PDE11A: variants seen among roughly 807,000 people sequenced by gnomAD.
PDE11A encodes phosphodiesterase 11A.
A neutral mutation model predicts 100.5 loss-of-function variants in PDE11A; 100 were observed. The observed-to-expected ratio is 1.00, with a 90% CI of 0.85 to 1.18. PDE11A has a LOEUF of 1.18. PDE11A is among the 50% of genes most tolerant of loss of function. The probability of loss-of-function intolerance (pLI) is 0.00; values close to 1 mark genes in which losing one functional copy is unlikely to be tolerated. For synonymous variants in PDE11A, 381 were observed against 420.8 expected (o/e 0.91, Z 1.16); for missense variants, 1,141 against 1,152.6 (o/e 0.99, Z 0.15).
chr2:177,929,796 A>T (rs1251979399), intron 2 of PDE11A, among the ~76,000 whole-genome samples: 2 of 152,186 alleles, frequency 1.3e-5, no homozygotes, highest in African/African-American at 4.8e-5. Flanking sequence ...ATAGCCCACC[A>T]TGTTGCTTTT....
intron 15 of PDE11A, among the ~76,000 whole-genome samples, chr2:177,696,290 A>G (rs1460654189): frequency 6.6e-6 from 1 of 152,150 alleles, no homozygotes; most frequent in African/African-American, 2.4e-5. Context: ...GTAACATAGA[A>G]ATGAGGCCAG....
At chr2:177,736,132 GTCTA>G (rs1040318219) in intron 10 of PDE11A, among the ~76,000 whole-genome samples, 41 of 152,116 alleles carry the variant, frequency 2.7e-4, no homozygotes, top group African/African-American at 9.7e-4. Context: ...GGTCTAATGG[GTCTA>G]TCTATTTTGA....
chr2:178,073,113 A>T (rs1193750282), upstream of PDE11A: 1 of 975,140 alleles, frequency 1.0e-6, no homozygotes, highest in Non-Finnish European at 1.2e-6. Flanking sequence ...TGGGAGTCCG[A>T]GATACAAGTG....
At chr2:178,047,515 C>T (rs548352764) in intron 1 of PDE11A, among the ~76,000 whole-genome samples, 100 of 151,368 alleles carry the variant, frequency 6.6e-4, no homozygotes, top group Non-Finnish European at 1.2e-3. Context: ...GGCTTTTCCC[C>T]AGCTATCCTA....
chr2:177,882,607 G>A (rs1368633898), intron 4 of PDE11A, among the ~76,000 whole-genome samples: 1 of 152,134 alleles, frequency 6.6e-6, no homozygotes, highest in South Asian at 2.1e-4. Flanking sequence ...AATATCAGAA[G>A]TGGTTTCTAA....
intron 2 of PDE11A, among the ~76,000 whole-genome samples, chr2:177,962,888 C>T (rs945367505): frequency 2.0e-5 from 3 of 152,074 alleles, no homozygotes; most frequent in Admixed American, 6.5e-5. Flanking sequence ...CTGATTTGAA[C>T]TGGAGGTTTG....
chr2:177,689,530 A>C (rs1356021599), intron 15 of PDE11A, among the ~76,000 whole-genome samples: 1 of 152,180 alleles, frequency 6.6e-6, no homozygotes, highest in Non-Finnish European at 1.5e-5. Flanking sequence ...TTACATGCAG[A>C]TTCTAGAGAG....
At chr2:178,062,076 C>T (rs1254930554) in intron 1 of PDE11A, among the ~76,000 whole-genome samples, 1 of 152,170 alleles carries the variant, frequency 6.6e-6, no homozygotes, top group Non-Finnish European at 1.5e-5. Flanking sequence ...AGAGGCTGTT[C>T]CTCTTGTTCA....
chr2:177,998,146 C>T, intron 2 of PDE11A: 1 of 1,044,788 alleles, frequency 9.6e-7, no homozygotes, highest in South Asian at 1.3e-5. Context: ...TTGCTGTCTT[C>T]CACTTACTGT....
chr2:177,941,318 A>C (rs1017046009), intron 2 of PDE11A, among the ~76,000 whole-genome samples: 1 of 152,150 alleles, frequency 6.6e-6, no homozygotes, highest in African/African-American at 2.4e-5. Context: ...TCTAACTCGC[A>C]TGAGGACCCC....
chr2:177,945,717 G>T (rs375245598), intron 2 of PDE11A, among the ~76,000 whole-genome samples: 2 of 140,782 alleles, frequency 1.4e-5, no homozygotes, highest in African/African-American at 2.7e-5. Flanking sequence ...CACCCCGTCC[G>T]GGAGGGAGGT....
chr2:177,658,146 C>G, intron 19 of PDE11A, among the ~76,000 whole-genome samples: 1 of 152,178 alleles, frequency 6.6e-6, no homozygotes, highest in Admixed American at 6.5e-5. Flanking sequence ...CCCAGAAAGA[C>G]CCAACAGGCA....
chr2:177,903,550 A>G (rs1417010307), intron 3 of PDE11A, among the ~76,000 whole-genome samples: 2 of 152,242 alleles, frequency 1.3e-5, no homozygotes, highest in African/African-American at 4.8e-5. Context: ...GCCATACACA[A>G]GAATGCAAAG....
chr2:177,790,679 A>C (rs1216239252), intron 9 of PDE11A, among the ~76,000 whole-genome samples: 1 of 152,196 alleles, frequency 6.6e-6, no homozygotes, highest in Admixed American at 6.5e-5. Context: ...CAATAAACTC[A>C]AACAAATTTA....
At position 178,098,521 on chromosome 2, in the gene PDE11A, T is replaced by C. The variant is rs116308162; in HGVS notation, c.162+5781A>G. ...TTGTATAAATATTTTGGCTTTCTCATCCTTCATAGAGGAGGATAAGCAGAT... is the reference window on the plus strand; with the variant it reads ...TTGTATAAATATTTTGGCTTTCTCACCCTTCATAGAGGAGGATAAGCAGAT... On this transcript the variant is annotated intron_variant, in intron 2 of 20. Transcript: ENST00000358450. Among the ~76,000 whole-genome samples the C allele has an allele frequency of 4.5e-3, 692 of 152,314 alleles. 3 individuals are homozygous for C. Among genetic ancestry groups the C allele is most frequent in the African/African-American group, 0.016 (670 of 41,578 alleles).
intron 2 of PDE11A, among the ~76,000 whole-genome samples, chr2:178,083,135 T>C (rs887163145): frequency 1.5e-4 from 23 of 151,350 alleles, no homozygotes; most frequent in African/African-American, 5.6e-4. Context: ...AGTCTTGCTC[T>C]GTCACCTAGG....
chr2:177,722,036 G>A lies in PDE11A; in HGVS notation c.2043+5622C>T, dbSNP rs192544299. On this transcript the variant is annotated intron_variant, in intron 12 of 19. Transcript: ENST00000286063. ...TAAATGACCATGGCTCTGCTGCTGGGTCTCCCTGACCTGGAGGATTTGGCT... is the reference window on the plus strand; with the variant it reads ...TAAATGACCATGGCTCTGCTGCTGGATCTCCCTGACCTGGAGGATTTGGCT... 3.8e-3 allele frequency among the ~76,000 whole-genome samples: 573 copies of A among 152,236 alleles called. 2 individuals are homozygous for A. The highest frequency in any genetic ancestry group is 6.4e-3 in the Non-Finnish European group (435 of 68,000).
intron 2 of PDE11A, among the ~76,000 whole-genome samples, chr2:177,980,748 C>T (rs2085870478): frequency 1.3e-5 from 2 of 150,420 alleles, no homozygotes; most frequent in African/African-American, 2.4e-5. Flanking sequence ...GAGGCGTGGG[C>T]GAAAAGGCCA....
At chr2:178,038,432 G>A (rs901236873) in intron 1 of PDE11A, among the ~76,000 whole-genome samples, 1 of 151,272 alleles carries the variant, frequency 6.6e-6, no homozygotes, top group African/African-American at 2.4e-5. Flanking sequence ...TAAAAAAAAA[G>A]AATGAAAATC....
Sources: allele counts gnomAD v4.1 joint callset (sites outside exome capture counted in the v4.1 genomes callset), GRCh38; gene constraint gnomAD v4.1.1; transcripts MANE v1.5; gene names NCBI Gene and HGNC (gene_info 2026-07-23, HGNC 2026-07-21).